Variants in AGMO observed in about 807,000 individuals in gnomAD.
The protein encoded by AGMO is alkylglycerol monooxygenase, also known as glyceryl-ether monooxygenase.
In AGMO, 75 loss-of-function variants were observed where a neutral mutation model predicts 60.2. The observed-to-expected ratio is 1.25, with a 90% CI of 1.03 to 1.51. The LOEUF (loss-of-function observed/expected upper bound fraction) is 1.51, where lower values mean the gene tolerates loss of function less well. AGMO is among the 40% of genes most tolerant of loss of function. The pLI is 0.00. For missense variants in AGMO, 763 were observed against 525.5 expected, an observed-to-expected ratio of 1.45 and a Z score of -4.42; for synonymous variants, 261 against 177.1, an observed-to-expected ratio of 1.47 and a Z score of -3.76.
rs138842413 is a variant in AGMO, at chr7:15,344,631, G to A, written c.1263+20883C>T. ...AAGGATTGCTGGAGCTTGGGAAGTT[G>A]AGGCTGCAGTGAGTCGTGATGGTAC... On this transcript the variant is annotated intron_variant, in intron 12 of 12. Transcript: ENST00000342526. Among the ~76,000 whole-genome samples, 34 of 152,286 alleles carry A rather than the reference G, an allele frequency of 2.2e-4. No individual in the cohort carries two copies. In the East Asian group the frequency reaches 6.0e-3, roughly 27 times the overall value.
intron 12 of AGMO, among the ~76,000 whole-genome samples, chr7:15,329,869 T>C (rs990785857): frequency 6.6e-6 from 1 of 151,992 alleles, no homozygotes; most frequent in Non-Finnish European, 1.5e-5. Flanking sequence ...CTTTGTTGGG[T>C]TTGGTAGAGG....
chr7:15,182,233 C>G, the AGMO span, among the ~76,000 whole-genome samples: 2 of 152,042 alleles, frequency 1.3e-5, no homozygotes, highest in East Asian at 3.9e-4. Flanking sequence ...TTAATGGGTA[C>G]AGGATTTCAG....
chr7:15,337,375 T>C (rs1274954632), intron 12 of AGMO, among the ~76,000 whole-genome samples: 1 of 151,966 alleles, frequency 6.6e-6, no homozygotes, highest in Admixed American at 6.6e-5. Flanking sequence ...AGGGAGACAG[T>C]AGGGAAGGGG....
chr7:15,508,520 G>A (rs759252422), intron 3 of AGMO, among the ~76,000 whole-genome samples: 5 of 152,134 alleles, frequency 3.3e-5, no homozygotes, highest in Non-Finnish European at 7.3e-5. Context: ...CTGTTAGGAA[G>A]TGGGTAATAA....
intron 12 of AGMO, among the ~76,000 whole-genome samples, chr7:15,248,510 A>T (rs1193029360): frequency 2.0e-5 from 3 of 151,966 alleles, no homozygotes; most frequent in Non-Finnish European, 4.4e-5. Flanking sequence ...TCCCATCTAG[A>T]CCATTCCTAA....
chr7:15,384,832 T>C (rs1783848803), intron 10 of AGMO, among the ~76,000 whole-genome samples: 3 of 149,270 alleles, frequency 2.0e-5, no homozygotes, highest in Admixed American at 2.0e-4. Context: ...TTTTTTTTTT[T>C]TTGCAATTTA....
the AGMO span, among the ~76,000 whole-genome samples, chr7:15,130,763 AATG>A: frequency 6.6e-6 from 1 of 152,178 alleles, no homozygotes; most frequent in East Asian, 1.9e-4. Context: ...ACAGTGTTGA[AATG>A]ATGACATCAC....
chr7:15,420,067 AT>A (rs36111205), intron 4 of AGMO, among the ~76,000 whole-genome samples: 1 of 152,118 alleles, frequency 6.6e-6, no homozygotes, highest in African/African-American at 2.4e-5. Context: ...AAACAACTTT[AT>A]TTTGGATGCT....
At chr7:15,481,644 T>A (rs968671467) in intron 3 of AGMO, among the ~76,000 whole-genome samples, 1 of 151,974 alleles carries the variant, frequency 6.6e-6, no homozygotes, top group African/African-American at 2.4e-5. Flanking sequence ...AACATACCTC[T>A]CAAAAACTGA....
At chr7:15,352,674 C>A (rs1782292589) in intron 12 of AGMO, among the ~76,000 whole-genome samples, 1 of 151,748 alleles carries the variant, frequency 6.6e-6, no homozygotes, top group Admixed American at 6.6e-5. Context: ...AACAGCAAGC[C>A]CATAATGAGT....
intron 5 of AGMO, among the ~76,000 whole-genome samples, chr7:15,415,737 TA>T (rs1175598601): frequency 6.6e-6 from 1 of 152,142 alleles, no homozygotes; most frequent in Non-Finnish European, 1.5e-5. Context: ...AAAACTCAGC[TA>T]ACACCCAAAT....
intron 3 of AGMO, among the ~76,000 whole-genome samples, chr7:15,511,554 G>A (rs1783674157): frequency 6.6e-6 from 1 of 152,032 alleles, no homozygotes; most frequent in African/African-American, 2.4e-5. Context: ...ATAAGTTCAG[G>A]AGACCTAATG....
At chr7:15,226,806 A>T (rs1335459897) in intron 12 of AGMO, among the ~76,000 whole-genome samples, 1 of 152,112 alleles carries the variant, frequency 6.6e-6, no homozygotes, top group Admixed American at 6.6e-5. Context: ...GATATAACTC[A>T]CTATTAAAGT....
chr7:15,148,302 GTTCTAGGTTTACAGTTATT>G, the AGMO span, among the ~76,000 whole-genome samples: 1 of 151,742 alleles, frequency 6.6e-6, no homozygotes, highest in Non-Finnish European at 1.5e-5. Flanking sequence ...TGGACATAGA[GTTCTAGGTTTACAGTTATT>G]TTCTATTTTT....
chr7:15,192,103 G>GA, the AGMO span, among the ~76,000 whole-genome samples: 1 of 151,798 alleles, frequency 6.6e-6, no homozygotes, highest in Non-Finnish European at 1.5e-5. Context: ...TTCAAAACAA[G>GA]AAATAACAAA....
At chr7:15,190,103 A>T in the AGMO span, among the ~76,000 whole-genome samples, 2 of 1,216 alleles carry the variant, frequency 1.6e-3, no homozygotes, top group Non-Finnish European at 3.6e-3. Context: ...ATTTATATAT[A>T]TATATATATA....
At chr7:15,381,220 A>C (rs920283056) in intron 10 of AGMO, among the ~76,000 whole-genome samples, 3 of 152,336 alleles carry the variant, frequency 2.0e-5, no homozygotes, top group Admixed American at 2.0e-4. Flanking sequence ...AGCAAAAGGA[A>C]CTATCAACAG....
intron 12 of AGMO, among the ~76,000 whole-genome samples, chr7:15,226,976 G>C (rs1782101822): frequency 6.6e-6 from 1 of 152,012 alleles, no homozygotes; most frequent in Non-Finnish European, 1.5e-5. Flanking sequence ...CTTAATTATG[G>C]TTAGGGAAGA....
At chr7:15,378,728 CTGGGTGG>C (rs1274731891) in intron 10 of AGMO, among the ~76,000 whole-genome samples, 1 of 106,848 alleles carries the variant, frequency 9.4e-6, no homozygotes, top group East Asian at 4.1e-4. Context: ...ACCCAGAGTT[CTGGGTGG>C]CAAAATTCTA....
Sources: gnomAD v4.1 joint callset for allele counts (sites outside exome capture counted in the v4.1 genomes callset) on GRCh38, gnomAD v4.1.1 for gene constraint, MANE v1.5 for transcripts, NCBI Gene and HGNC (gene_info 2026-07-23, HGNC 2026-07-21) for gene names.